TANGO6: variants seen among roughly 807,000 people sequenced by gnomAD.
TANGO6 encodes the protein transport and golgi organization 6 homolog, also known as transport and Golgi organization protein 6 homolog.
In TANGO6, 90 loss-of-function variants were observed where a neutral mutation model predicts 114.2. The observed-to-expected ratio is 0.79, with a 90% CI of 0.66 to 0.94. The LOEUF (loss-of-function observed/expected upper bound fraction) is 0.94. Among genes scored for constraint, TANGO6 ranks in the 40% least tolerant of loss-of-function variants. The pLI, the probability that TANGO6 is intolerant of heterozygous loss-of-function variation, is 0.00. For missense variants in TANGO6, 1,274 were observed against 1,315.3 expected, an observed-to-expected ratio of 0.97 and a Z score of 0.49; for synonymous variants, 477 against 509.8, an observed-to-expected ratio of 0.94 and a Z score of 0.87.
At chr16:69,073,640 T>C (rs1285276061) in intron 17 of TANGO6, among the ~76,000 whole-genome samples, 1 of 152,064 alleles carries the variant, frequency 6.6e-6, no homozygotes, top group Non-Finnish European at 1.5e-5. Flanking sequence ...AAATAAGACT[T>C]CCTTGCCCAA....
At position 68,927,655 on chromosome 16, in the gene TANGO6, G is replaced by A. The variant is rs760111026; in HGVS notation, c.2215G>A (p.Glu739Lys). The A allele has an allele frequency of 6.2e-7, 1 of 1,613,996 alleles. No homozygotes were observed. The highest frequency in any genetic ancestry group is 1.7e-5 in the Admixed American group (1 of 60,016). The change falls in exon 13 of 18, where the codon GAA (glutamate) becomes AAA (lysine). Residue 739 changes from glutamate to lysine, a missense_variant. By Grantham distance (56) the Glu-to-Lys change is moderately conservative. This residue lies in a region of TANGO6 where 908 missense variants were observed against 910.2 expected (regional missense o/e 1.00). Coordinates refer to ENST00000261778, the MANE Select transcript of TANGO6 (RefSeq NM_024562.2). ...CACATACCCTGATCCGGTCATCCAA[G>A]AACTCGCTGTTGATCTCCGCATCAC... Reference protein sequence around the residue: ...SNTYPDPVIQELAVDLRITIS... With the variant: ...SNTYPDPVIQKLAVDLRITIS...
chr16:68,948,024 G>GATATAT (rs112762612), intron 14 of TANGO6, among the ~76,000 whole-genome samples: 2,061 of 147,644 alleles, frequency 0.014, 39 homozygotes, highest in African/African-American at 0.048. Context: ...CAGTGCAGCT[G>GATATAT]ATATATATAT....
intron 16 of TANGO6, 37 bp from the exon 17 acceptor site, chr16:69,040,271 T>A: frequency 6.5e-7 from 1 of 1,539,404 alleles, no homozygotes; most frequent in Non-Finnish European, 8.8e-7. Flanking sequence ...TGTGCAACTC[T>A]GATTCTTATC....
At chr16:68,950,642 C>T (rs1056291549) in intron 14 of TANGO6, among the ~76,000 whole-genome samples, 5 of 151,058 alleles carry the variant, frequency 3.3e-5, no homozygotes, top group African/African-American at 4.9e-5. Context: ...GGGTCGATCA[C>T]GAGTTCAGGA....
chr16:68,855,163 G>A (rs1351387998), intron 1 of TANGO6, among the ~76,000 whole-genome samples: 1 of 150,460 alleles, frequency 6.6e-6, no homozygotes, highest in Non-Finnish European at 1.5e-5. Context: ...GCTGAGATCC[G>A]CCATTGCACT....
chr16:68,884,502 T>C (rs1377889144), intron 7 of TANGO6, among the ~76,000 whole-genome samples: 2 of 152,186 alleles, frequency 1.3e-5, no homozygotes, highest in African/African-American at 2.4e-5. Context: ...AAAGCAGATG[T>C]TCTAAATTAG....
intron 15 of TANGO6, among the ~76,000 whole-genome samples, chr16:69,014,088 T>G (rs1959240251): frequency 6.6e-6 from 1 of 152,240 alleles, no homozygotes; most frequent in Non-Finnish European, 1.5e-5. Context: ...AGGATGCTTT[T>G]GGCTGCAAGT....
In TANGO6 at chr16:68,927,603, G is replaced by A. The variant is rs1963183337; in HGVS notation, c.2163G>A (p.Leu721=). The A allele has an allele frequency of 3.1e-6, 5 of 1,613,792 alleles. No individual in the cohort carries two copies. The Admixed American group carries it at 6.7e-5, about 22-fold the overall frequency. The change falls in exon 13 of 18, where the codon TTG becomes TTA. Residue 721 remains leucine, a synonymous_variant. Coordinates refer to ENST00000261778, the MANE Select transcript of TANGO6 (RefSeq NM_024562.2). The part of the protein sequence containing the change: ...KSSDFAVLKQ[L]LPLLEKVSNT... Reference sequence around the variant, plus strand: ...GTGATTTTGCTGTTCTGAAGCAGTTGTTGCCTCTGTTGGAGAAGGTATCCA... The same window carrying A: ...GTGATTTTGCTGTTCTGAAGCAGTTATTGCCTCTGTTGGAGAAGGTATCCA...
In TANGO6 at chr16:68,985,028, C is replaced by A. The variant is rs76999570; in HGVS notation, c.2842+10860C>A. On this transcript the variant is annotated intron_variant, in intron 15 of 17. Coordinates refer to ENST00000261778, the MANE Select transcript of TANGO6 (RefSeq NM_024562.2). ...TACTTTCCTATGTCATTAAATATTT[C>A]TTTGTTGTTGTTAGTTTTTTTTTAA... 3.6e-5 allele frequency among the ~76,000 whole-genome samples: 5 copies of A among 140,228 alleles called. No homozygotes were observed. The East Asian group carries it at 1.1e-3, about 30-fold the overall frequency. The allele number at this position is 140,228 out of a possible 152,430, so 92.0% of individuals were successfully genotyped here. A position where few individuals can be genotyped will look rare whatever the true frequency, so the allele number is the denominator to read the frequency against.
At chr16:68,980,413 A>C (rs186733599) in intron 15 of TANGO6, among the ~76,000 whole-genome samples, 7,863 of 40,760 alleles carry the variant, frequency 0.19, 597 homozygotes, top group Non-Finnish European at 0.26. Context: ...CTCTCTCTAT[A>C]TATATATATA....
intron 15 of TANGO6, among the ~76,000 whole-genome samples, chr16:68,977,799 C>T (rs1338206831): frequency 6.6e-6 from 1 of 151,456 alleles, no homozygotes; most frequent in Non-Finnish European, 1.5e-5. Flanking sequence ...GATTCTCCTG[C>T]CTCAGCCTCC....
At chr16:69,080,712 T>C (rs2095161031) in intron 17 of TANGO6, among the ~76,000 whole-genome samples, 1 of 152,224 alleles carries the variant, frequency 6.6e-6, no homozygotes, top group Admixed American at 6.5e-5. Context: ...TTTTGTACTG[T>C]ATTATCTTTT....
intron 15 of TANGO6, among the ~76,000 whole-genome samples, chr16:68,982,007 G>C (rs527831810): frequency 6.6e-6 from 1 of 152,262 alleles, no homozygotes; most frequent in South Asian, 2.1e-4. Context: ...TTGGTTGTTA[G>C]AACTGGCTGG....
At chr16:68,898,611 A>G (rs1016175869) in intron 7 of TANGO6, among the ~76,000 whole-genome samples, 2 of 152,064 alleles carry the variant, frequency 1.3e-5, no homozygotes, top group African/African-American at 4.8e-5. Context: ...AAGTGCTGGG[A>G]TTACAGGTGT....
Position 69,044,486 on chromosome 16 carries a change from G to A in TANGO6, c.3108+4065G>A, listed in dbSNP as rs578143262. On this transcript the variant is annotated intron_variant, in intron 17 of 17. Transcript: ENST00000261778. ...AGAGGAGAGGTGATGCACACGATAAGTTCCATTTGCTTGTTTTAACCTAGG... is the reference window on the plus strand; with the variant it reads ...AGAGGAGAGGTGATGCACACGATAAATTCCATTTGCTTGTTTTAACCTAGG... 1.2e-4 allele frequency among the ~76,000 whole-genome samples: 18 copies of A among 152,262 alleles called. 1 individual carries two copies. In the South Asian group the frequency reaches 3.7e-3, roughly 32 times the overall value.
At chr16:68,990,038 T>C (rs1484067446) in intron 15 of TANGO6, among the ~76,000 whole-genome samples, 1 of 152,192 alleles carries the variant, frequency 6.6e-6, no homozygotes, top group African/African-American at 2.4e-5. Flanking sequence ...TTTTCTCTCT[T>C]TCTCGCTCTG....
chr16:69,083,684 G>A lies in TANGO6; in HGVS notation c.*23G>A. 6.5e-7 allele frequency: 1 copy of A among 1,547,690 alleles called. No homozygotes were observed. Among genetic ancestry groups the A allele is most frequent in the South Asian group, 1.2e-5 (1 of 83,354 alleles). On this transcript the variant is annotated 3_prime_UTR_variant, in exon 18 of 18. Transcript: ENST00000261778. ...TAGACCTGGCTCCAAGGACGTGGAG[G>A]AGGCAGGCAGGGCCAGGCACCCAGA...
At chr16:68,937,442 A>G (rs1001069720) in intron 14 of TANGO6, 1 of 152,184 alleles carries the variant, frequency 6.6e-6, no homozygotes, top group Non-Finnish European at 1.5e-5. Context: ...TAAAACATGC[A>G]AGTCAGTGGT....
intron 17 of TANGO6, among the ~76,000 whole-genome samples, chr16:69,073,960 T>TAA (rs145298162): frequency 1.1e-4 from 15 of 131,630 alleles, no homozygotes; most frequent in South Asian, 2.5e-4. Flanking sequence ...GACTCCATCT[T>TAA]AAAAAAAAAA....
Sources: gnomAD v4.1 joint callset for allele counts (sites outside exome capture counted in the v4.1 genomes callset) on GRCh38, gnomAD v4.1.1 for gene constraint, gnomAD v4.1.1 regional missense constraint, MANE v1.5 for transcripts, NCBI Gene and HGNC (gene_info 2026-07-23, HGNC 2026-07-21) for gene names.